Variants in FBXO10 observed in about 807,000 individuals in gnomAD.
The protein encoded by FBXO10 is F-box protein 10, also known as F-box only protein 10.
FBXO10 carries 39 observed loss-of-function variants against 80.7 expected under a neutral mutation model. The ratio of observed to expected loss-of-function variants is 0.48; its 90% confidence interval spans 0.37 to 0.63. FBXO10 has a LOEUF of 0.63. Among genes scored for constraint, FBXO10 ranks in the 30% least tolerant of loss-of-function variants. The pLI is 0.00. For synonymous variants in FBXO10, 449 were observed against 489.6 expected, an observed-to-expected ratio of 0.92 and a Z score of 1.09; for missense variants, 1,025 against 1,269.0, an observed-to-expected ratio of 0.81 and a Z score of 2.92.
chr9:37,544,426 C>T (rs570327899), intron 1 of FBXO10, among the ~76,000 whole-genome samples: 17 of 152,236 alleles, frequency 1.1e-4, no homozygotes, highest in African/African-American at 4.1e-4. Context: ...GAGTGAGACC[C>T]TATCTCATAA....
At chr9:37,561,431 T>C (rs567832000) in intron 1 of FBXO10, among the ~76,000 whole-genome samples, 1 of 152,264 alleles carries the variant, frequency 6.6e-6, no homozygotes, top group Non-Finnish European at 1.5e-5. Context: ...GGTATCCACA[T>C]GCCTCTGGGC....
At chr9:37,536,426 C>A (rs1210727905) in intron 3 of FBXO10, among the ~76,000 whole-genome samples, 1 of 152,084 alleles carries the variant, frequency 6.6e-6, no homozygotes, top group African/African-American at 2.4e-5. Context: ...TCCTGTGGTG[C>A]CCTAAGTCCC....
intron 1 of FBXO10, among the ~76,000 whole-genome samples, chr9:37,553,614 T>TA (rs1188263977): frequency 6.6e-6 from 1 of 151,650 alleles, no homozygotes; most frequent in Non-Finnish European, 1.5e-5. Flanking sequence ...TAAGAAATAA[T>TA]AGAGATCCTG....
At chr9:37,558,773 A>G (rs1404078598) in intron 1 of FBXO10, among the ~76,000 whole-genome samples, 5 of 152,126 alleles carry the variant, frequency 3.3e-5, no homozygotes, top group Non-Finnish European at 7.3e-5. Flanking sequence ...GAAGGAATTA[A>G]GCACTACTGC....
intron 1 of FBXO10, among the ~76,000 whole-genome samples, chr9:37,553,386 T>C (rs930951746): frequency 1.3e-5 from 2 of 152,090 alleles, no homozygotes; most frequent in African/African-American, 4.8e-5. Flanking sequence ...GACACGTATT[T>C]TATGGGTTTC....
chr9:37,547,866 G>C (rs1190778174), intron 1 of FBXO10, among the ~76,000 whole-genome samples: 1 of 152,082 alleles, frequency 6.6e-6, no homozygotes, highest in African/African-American at 2.4e-5. Flanking sequence ...GCTGAGGTGG[G>C]AGAATCCCTT....
rs1457620296 is a variant in FBXO10 at position 37,512,489 on chromosome 9, T to G, written c.*58A>C. ...GGGCGGAGTCTTTTCAGGCAGTATT[T>G]CCACCTTAGCTCCTCTGAGCACCCA... On this transcript the variant is annotated 3_prime_UTR_variant, in exon 11 of 11. Transcript: ENST00000432825. 6.4e-7 allele frequency: 1 copy of G among 1,562,636 alleles called. No individual in the cohort carries two copies. The highest frequency in any genetic ancestry group is 2.3e-5 in the East Asian group (1 of 44,152).
In FBXO10 at chr9:37,510,908, T is replaced by G. The variant is rs746593740; in HGVS notation, c.*1639A>C. ...TTCCAAAAGTGCCTTTTTTAAAATA[T>G]AGAACTTTATTTTGGTTACTGAGGT... On this transcript the variant is annotated 3_prime_UTR_variant, in exon 11 of 11. Transcript: ENST00000432825. The G allele has an allele frequency of 6.6e-6, 1 of 152,658 alleles. No individual in the cohort carries two copies. Among genetic ancestry groups the G allele is most frequent in the Admixed American group, 6.5e-5 (1 of 15,288 alleles). 9.5% of individuals were successfully genotyped at this position (152,658 alleles called of 1,614,324 possible). A position where few individuals can be genotyped will look rare whatever the true frequency, so the allele number is the denominator to read the frequency against.
At chr9:37,550,245 T>G (rs1194972683) in intron 1 of FBXO10, among the ~76,000 whole-genome samples, 1 of 137,000 alleles carries the variant, frequency 7.3e-6, no homozygotes, top group South Asian at 2.4e-4. Context: ...TGTAGTGGCA[T>G]GATCTTGGCT....
At chr9:37,541,818 C>CTA in intron 1 of FBXO10, 44 bp from the exon 2 acceptor site, 1 of 1,449,752 alleles carries the variant, frequency 6.9e-7, no homozygotes, top group South Asian at 1.4e-5. Context: ...GTCTATCCTA[C>CTA]TTACCAGTCC....
intron 8 of FBXO10, among the ~76,000 whole-genome samples, chr9:37,521,174 G>A (rs575472484): frequency 6.6e-6 from 1 of 152,340 alleles, no homozygotes; most frequent in Non-Finnish European, 1.5e-5. Flanking sequence ...GGCTGATGAG[G>A]CCTGAGGGCA....
At chr9:37,545,368 G>A (rs137873730) in intron 1 of FBXO10, among the ~76,000 whole-genome samples, 1,618 of 151,986 alleles carry the variant, frequency 0.011, 13 homozygotes, top group Non-Finnish European at 0.016. Context: ...TAGTAGAGAC[G>A]GGGTTTCACC....
intron 5 of FBXO10, among the ~76,000 whole-genome samples, chr9:37,528,293 C>T (rs10973396): frequency 6.6e-6 from 1 of 152,132 alleles, no homozygotes; most frequent in African/African-American, 2.4e-5. Context: ...GCAAGGACGT[C>T]AAGGGTCACA....
Position 37,541,644 on chromosome 9 carries a change from C to T in FBXO10, c.125G>A (p.Ser42Asn). ...AWYELILSLD[S>N]TRWRQLCLGC... Reference sequence around the variant, plus strand: ...CAGACACAGCTGCCGCCAGCGGGTGCTGTCGAGACTGAGGATCAGTTCATA... The same window carrying T: ...CAGACACAGCTGCCGCCAGCGGGTGTTGTCGAGACTGAGGATCAGTTCATA... The change falls in exon 2 of 11, where the codon AGC (serine) becomes AAC (asparagine). Residue 42 changes from serine to asparagine, a missense_variant. Transcript: ENST00000432825. 6.2e-7 allele frequency: 1 copy of T among 1,613,944 alleles called. No homozygotes were observed.
intron 1 of FBXO10, among the ~76,000 whole-genome samples, chr9:37,549,018 G>C (rs1168054307): frequency 6.6e-6 from 1 of 152,120 alleles, no homozygotes; most frequent in African/African-American, 2.4e-5. Flanking sequence ...AAAGTGCTGG[G>C]GTTATAGGTG....
intron 1 of FBXO10, among the ~76,000 whole-genome samples, chr9:37,556,211 TCAC>T (rs1395932099): frequency 9.2e-5 from 14 of 152,336 alleles, no homozygotes; most frequent in African/African-American, 3.4e-4. Context: ...CACCACAGTA[TCAC>T]CACATTTTTG....
intron 5 of FBXO10, among the ~76,000 whole-genome samples, chr9:37,526,360 G>T (rs1325641711): frequency 2.0e-5 from 3 of 152,166 alleles, no homozygotes; most frequent in Non-Finnish European, 4.4e-5. Context: ...TCCTGCTCCA[G>T]ACTCTTATCT....
Position 37,537,552 on chromosome 9 carries a change from G to A in FBXO10, c.977C>T (p.Ser326Phe). The change falls in exon 3 of 11, where the codon TCC becomes TTC. Residue 326 changes from serine (S) to phenylalanine (F), a missense_variant. Transcript: ENST00000432825. Reference sequence around the variant, plus strand: ...GCCAGCCTTGGAGCCTGGCTTTGGGGAGCTAGAGGCTGGGCTGGTAGGGCT... The same window carrying A: ...GCCAGCCTTGGAGCCTGGCTTTGGGAAGCTAGAGGCTGGGCTGGTAGGGCT... ...SQSPTSPASS[S>F]PKPGSKAGSQ... 6.2e-7 allele frequency: 1 copy of A among 1,613,268 alleles called. No homozygotes were observed. The highest frequency in any genetic ancestry group is 8.5e-7 in the Non-Finnish European group (1 of 1,179,614).
intron 1 of FBXO10, among the ~76,000 whole-genome samples, chr9:37,552,589 G>A (rs1394630170): frequency 6.6e-6 from 1 of 151,524 alleles, no homozygotes; most frequent in Admixed American, 6.6e-5. Context: ...CTACTCGGGA[G>A]GCTGAGGCAA....
Sources: allele counts gnomAD v4.1 joint callset (sites outside exome capture counted in the v4.1 genomes callset), GRCh38; gene constraint gnomAD v4.1.1; transcripts MANE v1.5; gene names NCBI Gene and HGNC (gene_info 2026-07-23, HGNC 2026-07-21).